Variants in STXBP4 observed in about 807,000 individuals in gnomAD.
STXBP4 encodes the protein syntaxin-binding protein 4.
Under a neutral mutation model 76.1 loss-of-function variants are expected in STXBP4, and 55 were observed. The observed-to-expected ratio is 0.72, with a 90% CI of 0.58 to 0.91. The LOEUF is 0.91. Among genes scored for constraint, STXBP4 ranks in the 40% least tolerant of loss-of-function variants. STXBP4 has a pLI of 0.00. For synonymous variants in STXBP4, 201 were observed against 220.2 expected (o/e 0.91, Z 0.77); for missense variants, 618 against 636.9 (o/e 0.97, Z 0.32).
rs548601592 is a variant in STXBP4, at chr17:55,034,154, G to A, written c.764-14G>A. 136 of 1,604,298 alleles carry A rather than the reference G, an allele frequency of 8.5e-5. 3 individuals are homozygous for A. In the South Asian group the frequency reaches 1.5e-3, roughly 17 times the overall value. ...TTAAATGCCATGTTCTTACTTAAAT[G>A]TGTTCCATTTTAGATTTTGTCCAGG... is the stretch of plus-strand genomic sequence containing the variant. On this transcript the variant is annotated splice_polypyrimidine_tract_variant and intron_variant, in intron 9 of 17. Coordinates refer to ENST00000376352, the MANE Select transcript of STXBP4 (RefSeq NM_178509.6).
chr17:55,100,846 A>G (rs550782958), intron 16 of STXBP4, among the ~76,000 whole-genome samples: 4 of 152,254 alleles, frequency 2.6e-5, no homozygotes, highest in African/African-American at 9.6e-5. Context: ...TTTAGTGCCA[A>G]TTTTGCTGGA....
chr17:55,000,794 A>G lies in STXBP4; in HGVS notation c.499-14A>G. On this transcript the variant is annotated splice_polypyrimidine_tract_variant and intron_variant, in intron 6 of 17. Coordinates refer to ENST00000376352, the MANE Select transcript of STXBP4 (RefSeq NM_178509.6). ...TAGTAAATGACATTGCATGTTCCTC[A>G]TTTTCTTTCACAGATAAAAACTGGA... is the stretch of plus-strand genomic sequence containing the variant. 1 of 1,571,816 alleles carries G rather than the reference A, an allele frequency of 6.4e-7. No homozygotes were observed. The highest frequency in any genetic ancestry group is 8.8e-7 in the Non-Finnish European group (1 of 1,142,586).
chr17:55,092,805 A>G (rs1230747078), intron 16 of STXBP4, among the ~76,000 whole-genome samples: 2 of 152,196 alleles, frequency 1.3e-5, no homozygotes, highest in African/African-American at 4.8e-5. Context: ...GATGGGATTT[A>G]TCTTTTAAAT....
chr17:55,090,995 G>T (rs2079406476), intron 16 of STXBP4, among the ~76,000 whole-genome samples: 1 of 152,042 alleles, frequency 6.6e-6, no homozygotes, highest in Non-Finnish European at 1.5e-5. Context: ...ACAGAATTGA[G>T]ATCAGCAATT....
At chr17:55,132,983 T>C (rs1201232315) in intron 16 of STXBP4, among the ~76,000 whole-genome samples, 1 of 151,934 alleles carries the variant, frequency 6.6e-6, no homozygotes, top group Non-Finnish European at 1.5e-5. Flanking sequence ...ACATTGAACA[T>C]AAATAATTAA....
At chr17:55,039,077 CAT>C (rs2078651989) in intron 10 of STXBP4, among the ~76,000 whole-genome samples, 1 of 152,096 alleles carries the variant, frequency 6.6e-6, no homozygotes, top group Admixed American at 6.6e-5. Context: ...GTTATGTGCA[CAT>C]GTTATTAAGA....
intron 1 of STXBP4, among the ~76,000 whole-genome samples, chr17:54,971,210 A>G (rs1358987224): frequency 6.6e-6 from 1 of 152,220 alleles, no homozygotes; most frequent in East Asian, 1.9e-4. Flanking sequence ...CTCCTTCCAA[A>G]CCACAGAGCA....
At chr17:55,139,742 G>C (rs1191684520) in intron 16 of STXBP4, among the ~76,000 whole-genome samples, 2 of 152,072 alleles carry the variant, frequency 1.3e-5, no homozygotes, top group African/African-American at 2.4e-5. Flanking sequence ...CCAGGCTCTA[G>C]GAAGTGCTTA....
Position 54,999,379 on chromosome 17 carries a change from C to T in STXBP4, c.215C>T (p.Ser72Leu). 1 of 1,612,474 alleles carries T rather than the reference C, an allele frequency of 6.2e-7. No individual in the cohort carries two copies. The highest frequency in any genetic ancestry group is 2.2e-5 in the East Asian group (1 of 44,776). ...GRLKPGDQLV[S>L]VNKESMIGVS... The stretch of plus-strand genomic sequence containing the variant: ...TTGAAGCCAGGAGATCAACTTGTCT[C>T]AGTCAACAAGGAATCTATGATTGGT... The change falls in exon 5 of 18, where the codon TCA becomes TTA. Residue 72 changes from serine to leucine, a missense_variant. Transcript: ENST00000376352.
chr17:55,207,642 T>C, the STXBP4 span, among the ~76,000 whole-genome samples: 1 of 152,362 alleles, frequency 6.6e-6, no homozygotes, highest in Admixed American at 6.5e-5. Flanking sequence ...GAAAATCCTA[T>C]GGGGTGTATT....
In STXBP4 at chr17:55,170,562, T is replaced by C. The variant is rs1216466580; in HGVS notation, c.*10651T>C. 6.6e-6 allele frequency: 1 copy of C among 152,194 alleles called. No homozygotes were observed. Among genetic ancestry groups the C allele is most frequent in the Non-Finnish European group, 1.5e-5 (1 of 68,032 alleles). The allele number at this position is 152,194 out of a possible 1,614,324, so 9.4% of individuals were successfully genotyped here. A position where few individuals can be genotyped will look rare whatever the true frequency, so the allele number is the denominator to read the frequency against. ...AATGATTTATTGTGTATGAAAAAAG[T>C]GTATCTGATTTGATTATATATTTTT... is the stretch of plus-strand genomic sequence containing the variant. On this transcript the variant is annotated 3_prime_UTR_variant, in exon 18 of 18. Transcript: ENST00000376352.
chr17:55,111,429 G>T (rs1216720607), intron 16 of STXBP4, among the ~76,000 whole-genome samples: 1 of 152,090 alleles, frequency 6.6e-6, no homozygotes, highest in African/African-American at 2.4e-5. Flanking sequence ...TTGGATATTT[G>T]TCCCCCCAGA....
At chr17:55,085,359 A>T (rs79604976) in intron 16 of STXBP4, among the ~76,000 whole-genome samples, 1 of 89,410 alleles carries the variant, frequency 1.1e-5, no homozygotes, top group Non-Finnish European at 2.9e-5. Context: ...AAAGTATAAT[A>T]AAAAAAAAGT....
chr17:55,008,597 T>C (rs2078050001), intron 8 of STXBP4, among the ~76,000 whole-genome samples: 1 of 152,190 alleles, frequency 6.6e-6, no homozygotes, highest in African/African-American at 2.4e-5. Flanking sequence ...GAAAACTGTA[T>C]TTTTATGAAC....
downstream of STXBP4, among the ~76,000 whole-genome samples, chr17:55,178,559 A>G (rs1334608029): frequency 6.6e-6 from 1 of 152,224 alleles, no homozygotes; most frequent in Non-Finnish European, 1.5e-5. Flanking sequence ...ATTAGTCAGA[A>G]TTCTCCAGAG....
intron 12 of STXBP4, among the ~76,000 whole-genome samples, chr17:55,056,824 T>C (rs191130573): frequency 1.1e-3 from 160 of 152,288 alleles, no homozygotes; most frequent in African/African-American, 3.7e-3. Context: ...CTGGGCAGCA[T>C]GGAGAACCCC....
At chr17:55,195,977 A>G in the STXBP4 span, among the ~76,000 whole-genome samples, 2 of 152,316 alleles carry the variant, frequency 1.3e-5, no homozygotes, top group Non-Finnish European at 2.9e-5. Context: ...CAAAATGCCA[A>G]CAGTGTCCAG....
At chr17:55,032,486 C>T (rs2078526402) in intron 9 of STXBP4, among the ~76,000 whole-genome samples, 1 of 152,002 alleles carries the variant, frequency 6.6e-6, no homozygotes, top group South Asian at 2.1e-4. Flanking sequence ...GTTGATTTGA[C>T]CCTAAAATGA....
the STXBP4 span, among the ~76,000 whole-genome samples, chr17:55,197,742 CAA>C: frequency 2.4e-5 from 3 of 125,206 alleles, no homozygotes. Flanking sequence ...GACTCAGTCT[CAA>C]AAAAAAAAAA....
Sources: allele counts gnomAD v4.1 joint callset (sites outside exome capture counted in the v4.1 genomes callset), GRCh38; gene constraint gnomAD v4.1.1; transcripts MANE v1.5; gene names NCBI Gene and HGNC (gene_info 2026-07-23, HGNC 2026-07-21).